Variants in MAK observed in about 807,000 individuals in gnomAD.
The protein encoded by MAK is male germ cell associated kinase, also known as serine/threonine-protein kinase MAK.
A neutral mutation model predicts 82.6 loss-of-function variants in MAK; 65 were observed. That is an observed-to-expected ratio of 0.79 (90% CI 0.64 to 0.97). The LOEUF (loss-of-function observed/expected upper bound fraction) is 0.97. MAK is among the 50% of genes least tolerant of loss of function. The pLI is 0.00. For missense variants in MAK, 703 were observed against 780.2 expected, an observed-to-expected ratio of 0.90 and a Z score of 1.18; for synonymous variants, 250 against 274.2, an observed-to-expected ratio of 0.91 and a Z score of 0.87.
At chr6:10,797,284 C>A (rs190828385) in intron 8 of MAK, among the ~76,000 whole-genome samples, 2 of 152,290 alleles carry the variant, frequency 1.3e-5, no homozygotes, top group African/African-American at 4.8e-5. Flanking sequence ...TGACTGCTTG[C>A]ATGAGAGGGA....
chr6:10,815,036 C>CAA (rs543245812), intron 4 of MAK, among the ~76,000 whole-genome samples: 2 of 123,382 alleles, frequency 1.6e-5, no homozygotes, highest in African/African-American at 6.0e-5. Flanking sequence ...GACTCCATCT[C>CAA]AAAAAAAAAA....
chr6:10,777,682 A>G (rs1302659997), intron 11 of MAK, among the ~76,000 whole-genome samples: 1 of 152,152 alleles, frequency 6.6e-6, no homozygotes, highest in Non-Finnish European at 1.5e-5. Context: ...ATTGTTGCCC[A>G]GGCTGGAGTG....
chr6:10,809,923 C>T (rs1776782990), intron 5 of MAK, among the ~76,000 whole-genome samples: 1 of 151,834 alleles, frequency 6.6e-6, no homozygotes, highest in Non-Finnish European at 1.5e-5. Flanking sequence ...TATGATGAAA[C>T]CCCGTCTATA....
chr6:10,821,217 G>C (rs1777916369), intron 2 of MAK, among the ~76,000 whole-genome samples: 1 of 152,136 alleles, frequency 6.6e-6, no homozygotes, highest in Admixed American at 6.5e-5. Context: ...TCAAAGTGCT[G>C]GGATTACAGG....
chr6:10,829,659 T>C (rs1042192696), intron 2 of MAK, among the ~76,000 whole-genome samples: 8 of 152,164 alleles, frequency 5.3e-5, no homozygotes, highest in Non-Finnish European at 2.9e-5. Context: ...ATTATACATA[T>C]AAAAAAGGAG....
rs185455916 is a variant in MAK at position 10,805,264 on chromosome 6, A to G, written c.492-1373T>C. Among the ~76,000 whole-genome samples the G allele has an allele frequency of 3.2e-3, 493 of 152,268 alleles. 3 individuals are homozygous for G. Among genetic ancestry groups the G allele is most frequent in the African/African-American group, 0.011 (460 of 41,562 alleles). On this transcript the variant is annotated intron_variant, in intron 6 of 14. Transcript: ENST00000354489. ...GTATGTATAGCTTACATGTATTTCA[A>G]TGTTCAATATTAGTGTTTTGGTCAC... is the stretch of plus-strand genomic sequence containing the variant.
In MAK at chr6:10,808,921, T is replaced by G; in HGVS notation, c.380A>C (p.Lys127Thr). 1 of 1,613,744 alleles carries G rather than the reference T, an allele frequency of 6.2e-7. No individual in the cohort carries two copies. The highest frequency in any genetic ancestry group is 1.1e-5 in the South Asian group (1 of 91,060). Residue 127 changes from lysine (K) to threonine (T), a missense_variant, in exon 6 of 15, where the codon AAA becomes ACA. By Grantham distance (78) the Lys-to-Thr change is moderately conservative (BLOSUM62 -1). Coordinates refer to ENST00000354489, the MANE Select transcript of MAK (RefSeq NM_001242957.3). ...ACCCATACAAAGCAAGTTTTCTGGT[T>G]TCATGTCCCTATGAAAAAAGCCTTG... ...HKHGFFHRDM[K>T]PENLLCMGPE...
At chr6:10,807,336 CTTTTTTT>C (rs35237927) in intron 6 of MAK, among the ~76,000 whole-genome samples, 7 of 73,734 alleles carry the variant, frequency 9.5e-5, no homozygotes, top group African/African-American at 1.7e-4. Flanking sequence ...ACATATATTC[CTTTTTTT>C]TTTTTTTTTT....
At chr6:10,794,801 G>C (rs578235) in intron 9 of MAK, among the ~76,000 whole-genome samples, 1 of 151,938 alleles carries the variant, frequency 6.6e-6, no homozygotes, top group Admixed American at 6.6e-5. Context: ...AAGACCAGCC[G>C]GACCAACATG....
At chr6:10,814,773 T>C (rs1289323204) in intron 4 of MAK, among the ~76,000 whole-genome samples, 1 of 151,946 alleles carries the variant, frequency 6.6e-6, no homozygotes, top group Non-Finnish European at 1.5e-5. Context: ...CGGCTGGGCA[T>C]GGTGGCTCAT....
chr6:10,811,694 T>C (rs1424736159), intron 5 of MAK, among the ~76,000 whole-genome samples: 1 of 152,216 alleles, frequency 6.6e-6, no homozygotes, highest in Non-Finnish European at 1.5e-5. Context: ...GTGTAGTATA[T>C]CATTACAGGA....
chr6:10,808,025 G>A (rs148105299), intron 6 of MAK, among the ~76,000 whole-genome samples: 2,278 of 151,908 alleles, frequency 0.015, 22 homozygotes, highest in Middle Eastern at 0.034. Flanking sequence ...CCGAGATCAC[G>A]CCATTGCACT....
intron 12 of MAK, among the ~76,000 whole-genome samples, chr6:10,773,742 A>G (rs1342024765): frequency 7.0e-6 from 1 of 142,104 alleles, no homozygotes; most frequent in Non-Finnish European, 1.5e-5. Flanking sequence ...CCCAGGCTGG[A>G]GTGCAGTGGT....
In MAK at chr6:10,803,845, G is replaced by A; in HGVS notation, c.538C>T (p.Pro180Ser). The A allele has an allele frequency of 1.9e-6, 3 of 1,614,048 alleles. No individual in the cohort carries two copies. Among genetic ancestry groups the A allele is most frequent in the Non-Finnish European group, 2.5e-6 (3 of 1,179,986 alleles). Reference sequence around the variant, plus strand: ...CTTCCAACAGCCCACACATCAATGGGAGAACTATAAACTGAAGATCTCAGT... The same window carrying A: ...CTTCCAACAGCCCACACATCAATGGAAGAACTATAAACTGAAGATCTCAGT... ...VLLRSSVYSS[P>S]IDVWAVGSIM... Residue 180 changes from proline to serine, a missense_variant, in exon 7 of 15, where the codon CCC becomes TCC. Coordinates refer to ENST00000354489, the MANE Select transcript of MAK (RefSeq NM_001242957.3).
intron 2 of MAK, among the ~76,000 whole-genome samples, chr6:10,820,598 A>G (rs1357429519): frequency 2.6e-5 from 4 of 152,228 alleles, no homozygotes; most frequent in Non-Finnish European, 5.9e-5. Flanking sequence ...ACCAATATCT[A>G]TGATTGACTA....
intron 10 of MAK, among the ~76,000 whole-genome samples, chr6:10,791,173 T>C (rs1321074392): frequency 6.6e-6 from 1 of 152,184 alleles, no homozygotes; most frequent in African/African-American, 2.4e-5. Flanking sequence ...CTGTTAATAC[T>C]GAGAACTGTT....
intron 2 of MAK, among the ~76,000 whole-genome samples, chr6:10,823,849 T>C (rs1778147433): frequency 6.6e-6 from 1 of 152,124 alleles, no homozygotes; most frequent in Admixed American, 6.6e-5. Flanking sequence ...TTTTTAATTT[T>C]AGGGGAAAAG....
rs1298546985 is a variant in MAK at position 10,791,696 on chromosome 6, C to CT, written c.1294dup (p.Arg432LysfsTer36). The CT allele has an allele frequency of 1.9e-6, 3 of 1,613,176 alleles. No homozygotes were observed. Among genetic ancestry groups the CT allele is most frequent in the Non-Finnish European group, 2.5e-6 (3 of 1,179,736 alleles). On this transcript the variant is annotated frameshift_variant, in exon 10 of 15. Coordinates refer to ENST00000354489, the MANE Select transcript of MAK (RefSeq NM_001242957.3). LOFTEE classifies it high-confidence loss of function. Reference sequence around the variant, plus strand: ...TTACCGAAATGGAGAATCTTTTTTCCTTTTTTCTTTAAAAACACCCATGCT... The same window carrying CT: ...TTACCGAAATGGAGAATCTTTTTTCCTTTTTTTCTTTAAAAACACCCATGCT...
chr6:10,780,289 C>T, intron 11 of MAK: 1 of 978,796 alleles, frequency 1.0e-6, no homozygotes. Context: ...AATGATCAAA[C>T]AGGTCTCAGA....
Sources: gnomAD v4.1 joint callset for allele counts (sites outside exome capture counted in the v4.1 genomes callset) on GRCh38, gnomAD v4.1.1 for gene constraint, MANE v1.5 for transcripts, NCBI Gene and HGNC (gene_info 2026-07-23, HGNC 2026-07-21) for gene names.